PEX5: variants seen among roughly 807,000 people sequenced by gnomAD.
The protein encoded by PEX5 is peroxisomal biogenesis factor 5.
PEX5 carries 52 observed loss-of-function variants against 82.9 expected under a neutral mutation model. The ratio of observed to expected loss-of-function variants is 0.63; its 90% CI spans 0.50 to 0.79. PEX5 has a LOEUF of 0.79. PEX5 is among the 30% of genes least tolerant of loss of function. PEX5 has a pLI of 0.00. For synonymous variants in PEX5, 300 were observed against 318.8 expected, an observed-to-expected ratio of 0.94 and a Z score of 0.63; for missense variants, 719 against 815.2, an observed-to-expected ratio of 0.88 and a Z score of 1.44.
intron 1 of PEX5, 36 bp from the exon 2 acceptor site, chr12:7,190,326 T>G (rs376990964): frequency 1.2e-6 from 2 of 1,610,684 alleles, no homozygotes; most frequent in Non-Finnish European, 1.7e-6. Context: ...GGGTCTGGCT[T>G]GGGTACCTCA....
chr12:7,214,623 G>A (rs974435401), downstream of PEX5, among the ~76,000 whole-genome samples: 153 of 148,188 alleles, frequency 1.0e-3, no homozygotes, highest in Non-Finnish European at 1.2e-3. Flanking sequence ...GCTAAATGAC[G>A]AGTTAATGGG....
intron 14 of PEX5, 152 bp downstream of exon 14, chr12:7,209,322 C>G: frequency 3.8e-6 from 3 of 797,372 alleles, no homozygotes; most frequent in Non-Finnish European, 6.4e-6. Flanking sequence ...GAGTTCAAAT[C>G]CAGCCTGGGC....
intron 7 of PEX5, 117 bp downstream of exon 7, chr12:7,201,958 G>A (rs991065355): frequency 1.0e-5 from 8 of 803,276 alleles, no homozygotes; most frequent in South Asian, 5.7e-5. Flanking sequence ...AGGTCTCTTC[G>A]TTCCTGTCTA....
chr12:7,216,797 T>C (rs1945792732), intron 17 of PEX5, among the ~76,000 whole-genome samples: 1 of 152,248 alleles, frequency 6.6e-6, no homozygotes, highest in Non-Finnish European at 1.5e-5. Flanking sequence ...GTATTTCTTT[T>C]GTATTTTTTC....
chr12:7,203,340 A>G, intron 9 of PEX5, 92 bp from the exon 10 acceptor site: 1 of 1,399,918 alleles, frequency 7.1e-7, no homozygotes, highest in Non-Finnish European at 9.7e-7. Context: ...AAATTCAAGA[A>G]CTGCTGCCTT....
chr12:7,197,717 CTT>C (rs2136051672), intron 5 of PEX5, among the ~76,000 whole-genome samples: 1 of 152,068 alleles, frequency 6.6e-6, no homozygotes, highest in African/African-American at 2.4e-5. Context: ...AGTTTTTGTA[CTT>C]TAATACCGAA....
rs368632366 is a variant in PEX5 at position 7,199,947 on chromosome 12, T to C, written c.551+834T>C. 6.8e-3 allele frequency among the ~76,000 whole-genome samples: 708 copies of C among 104,702 alleles called. 1 individual carries two copies. Among genetic ancestry groups the C allele is most frequent in the Non-Finnish European group, 9.1e-3 (452 of 49,876 alleles). The allele number at this position is 104,702 out of a possible 152,430, so 68.7% of individuals were successfully genotyped here. On this transcript the variant is annotated intron_variant, in intron 6 of 15. Transcript: ENST00000675855. ...GGGGGGCTGACCCCCACCTCCCTCC[T>C]GGACGGGGCGGCTGGCCGGGCGGGG...
Position 7,196,395 on chromosome 12 carries a change from CAT to C in PEX5, c.449-2611_449-2610del, listed in dbSNP as rs919853675. Among the ~76,000 whole-genome samples, 133 of 135,294 alleles carry C rather than the reference CAT, an allele frequency of 9.8e-4. 1 individual carries two copies. Among genetic ancestry groups the C allele is most frequent in the East Asian group, 6.6e-3 (31 of 4,708 alleles). 88.8% of individuals were successfully genotyped at this position (135,294 alleles called of 152,430 possible). ...TATAATGTAATAATTATGTGTCATA[CAT>C]ATATGTGTCATATATAATGTAATAA... is the stretch of plus-strand genomic sequence containing the variant. On this transcript the variant is annotated intron_variant, in intron 5 of 15. Coordinates refer to ENST00000675855, the MANE Select transcript of PEX5 (RefSeq NM_001351132.2).
intron 12 of PEX5, 139 bp from the exon 13 acceptor site, chr12:7,208,317 AT>A (rs1945076078): frequency 1.3e-6 from 1 of 755,732 alleles, no homozygotes; most frequent in African/African-American, 1.7e-5. Flanking sequence ...CTGTAACTTT[AT>A]TATTAACTCA....
downstream of PEX5, chr12:7,212,651 G>A (rs910663202): frequency 1.3e-5 from 2 of 152,088 alleles, no homozygotes; most frequent in Non-Finnish European, 2.9e-5. Context: ...TTTACAGATT[G>A]TCTTAAGAAA....
intron 8 of PEX5, 56 bp downstream of exon 8, chr12:7,202,407 T>C: frequency 6.2e-7 from 1 of 1,601,082 alleles, no homozygotes; most frequent in South Asian, 1.1e-5. Context: ...CCCCAGGCCA[T>C]GGGTTCAGTG....
intron 6 of PEX5, among the ~76,000 whole-genome samples, chr12:7,201,183 ACACG>A (rs1312139127): frequency 4.1e-4 from 61 of 150,328 alleles, no homozygotes; most frequent in Admixed American, 1.5e-3. Flanking sequence ...ACATATGTAC[ACACG>A]CATACATACA....
downstream of PEX5, among the ~76,000 whole-genome samples, chr12:7,211,703 C>T (rs980996089): frequency 6.6e-6 from 1 of 152,134 alleles, no homozygotes; most frequent in Admixed American, 6.5e-5. Context: ...CCTGTTACTA[C>T]TACAAAGGAA....
At chr12:7,218,516 C>T (rs911450090) in exon 18 of PEX5, 4 of 152,162 alleles carry the variant, frequency 2.6e-5, no homozygotes, top group Admixed American at 1.3e-4. Flanking sequence ...TGTAGGAAAA[C>T]AAATCCTCAT....
chr12:7,209,757 C>T lies in PEX5; in HGVS notation c.1635C>T (p.Tyr545=), dbSNP rs1244830730. 2 of 1,582,668 alleles carry T rather than the reference C, an allele frequency of 1.3e-6. No individual in the cohort carries two copies. The highest frequency in any genetic ancestry group is 1.8e-5 in the Admixed American group (1 of 56,612). The change falls in exon 15 of 16, where the codon TAC becomes TAT. Residue 545 remains tyrosine (Y), a synonymous_variant. Coordinates refer to ENST00000675855, the MANE Select transcript of PEX5 (RefSeq NM_001351132.2). ...AGAGTGAAGAAGCAGTAGCTGCGTA[C>T]CGCCGGGCCCTCGAGCTCCAGCCTG... The part of the protein sequence containing the change: ...GNQSEEAVAA[Y]RRALELQPGY...
intron 14 of PEX5, 145 bp from the exon 15 acceptor site, chr12:7,209,538 A>T: frequency 3.5e-6 from 1 of 282,594 alleles, no homozygotes; most frequent in Non-Finnish European, 6.3e-6. Context: ...CGAACTGTTG[A>T]GAATGGAATG....
rs773854263 is a variant in PEX5, at chr12:7,210,177, C to T, written c.1874C>T (p.Ala625Val). ...GQSDAYGAADARDLSTLLTMF... is the reference protein window; with the variant it reads ...GQSDAYGAADVRDLSTLLTMF... ...AGCGATGCCTATGGGGCAGCCGACG[C>T]GCGGGATCTGTCCACCCTCCTAACT... The change falls in exon 16 of 16, where the codon GCG becomes GTG. Residue 625 changes from alanine (A) to valine (V), a missense_variant. By Grantham distance (64) the Ala-to-Val change is moderately conservative. Coordinates refer to ENST00000675855, the MANE Select transcript of PEX5 (RefSeq NM_001351132.2). 29 of 1,614,092 alleles carry T rather than the reference C, an allele frequency of 1.8e-5. No homozygotes were observed. Among genetic ancestry groups the T allele is most frequent in the Admixed American group, 1.0e-4 (6 of 60,012 alleles).
At chr12:7,190,665 G>A in intron 2 of PEX5, 141 bp downstream of exon 2, 1 of 1,534,774 alleles carries the variant, frequency 6.5e-7, no homozygotes, top group South Asian at 1.2e-5. Context: ...TGAGGTGGAG[G>A]GGCTGTTTGC....
intron 10 of PEX5, among the ~76,000 whole-genome samples, chr12:7,206,936 C>T (rs1944882127): frequency 6.6e-6 from 1 of 152,142 alleles, no homozygotes; most frequent in South Asian, 2.1e-4. Context: ...TTCTTCTCTG[C>T]CTAGTGTAAA....
Sources: allele counts gnomAD v4.1 joint callset (sites outside exome capture counted in the v4.1 genomes callset), GRCh38; gene constraint gnomAD v4.1.1; transcripts MANE v1.5; gene names NCBI Gene and HGNC (gene_info 2026-07-23, HGNC 2026-07-21).